The following USP15 variants were observed in gnomAD, a reference collection of about 807,000 sequenced individuals.
USP15 encodes ubiquitin carboxyl-terminal hydrolase 15.
A neutral mutation model predicts 127.1 loss-of-function variants in USP15; 18 were observed. The observed-to-expected ratio is 0.14, with a 90% CI of 0.10 to 0.21. USP15 has a LOEUF of 0.21. Ranked by LOEUF, USP15 falls within the 10% of genes least tolerant of loss-of-function variation. USP15 has a pLI of 1.00. For synonymous variants in USP15, 364 were observed against 393.7 expected, an observed-to-expected ratio of 0.92 and a Z score of 0.89; for missense variants, 805 against 1,159.9, an observed-to-expected ratio of 0.69 and a Z score of 4.44.
chr12:62,265,983 CTG>C (rs1446277931), intron 1 of USP15, among the ~76,000 whole-genome samples: 1 of 152,150 alleles, frequency 6.6e-6, no homozygotes, highest in East Asian at 1.9e-4. Flanking sequence ...CCTCTTGTGA[CTG>C]TTCAGTTTAG....
At chr12:62,336,410 C>T in intron 6 of USP15, 3 of 985,418 alleles carry the variant, frequency 3.0e-6, no homozygotes, top group South Asian at 9.4e-5. Context: ...CTGAGTTCCT[C>T]CTCCAGCCTT....
At chr12:62,392,986 T>C in intron 18 of USP15, 67 bp from the exon 19 acceptor site, 1 of 1,555,608 alleles carries the variant, frequency 6.4e-7, no homozygotes. Context: ...CATTTTTGTT[T>C]ATTATTTTCA....
intron 6 of USP15, chr12:62,335,239 C>G: frequency 3.3e-6 from 5 of 1,534,546 alleles, no homozygotes; most frequent in Non-Finnish European, 4.4e-6. Context: ...CTAAAGGGCT[C>G]TGGTTATCAT....
chr12:62,293,967 C>T (rs918365098), intron 1 of USP15, among the ~76,000 whole-genome samples: 2 of 151,940 alleles, frequency 1.3e-5, no homozygotes, highest in African/African-American at 4.8e-5. Flanking sequence ...CAGTATTTGT[C>T]ATTAAGTAGT....
rs1221934732 is a variant in USP15, at chr12:62,410,049, A to G, written c.*5674A>G. The G allele has an allele frequency of 6.6e-6, 1 of 152,160 alleles. No individual in the cohort carries two copies. The highest frequency in any genetic ancestry group is 2.4e-5 in the African/African-American group (1 of 41,458). The allele number at this position is 152,160 out of a possible 1,614,324, so 9.4% of individuals were successfully genotyped here. A position where few individuals can be genotyped will look rare whatever the true frequency, so the allele number is the denominator to read the frequency against. On this transcript the variant is annotated 3_prime_UTR_variant, in exon 22 of 22. Transcript: ENST00000280377. Reference sequence around the variant, plus strand: ...TTAAAGTGTTCACTTATGTCTAGTCATATGCATACCTACTCTCTTCTAACC... The same window carrying G: ...TTAAAGTGTTCACTTATGTCTAGTCGTATGCATACCTACTCTCTTCTAACC...
intron 1 of USP15, among the ~76,000 whole-genome samples, chr12:62,286,735 C>T (rs1203677394): frequency 2.0e-5 from 3 of 151,798 alleles, no homozygotes; most frequent in Non-Finnish European, 2.9e-5. Context: ...GTCAGGAGTT[C>T]GAGACCAGCC....
At chr12:62,263,958 C>G (rs2063132306) in intron 1 of USP15, among the ~76,000 whole-genome samples, 1 of 151,880 alleles carries the variant, frequency 6.6e-6, no homozygotes, top group South Asian at 2.1e-4. Flanking sequence ...TAATGAGTTA[C>G]AAAGAAAATT....
intron 3 of USP15, 154 bp downstream of exon 3, chr12:62,303,074 T>A (rs955264937): frequency 1.3e-6 from 1 of 793,358 alleles, no homozygotes; most frequent in African/African-American, 1.7e-5. Context: ...GCAAGTAACA[T>A]GTTAAGAAGG....
Position 62,381,615 on chromosome 12 carries a change from G to A in USP15, c.1041G>A (p.Lys347=). 1.2e-6 allele frequency: 2 copies of A among 1,612,770 alleles called. No individual in the cohort carries two copies. Among genetic ancestry groups the A allele is most frequent in the Non-Finnish European group, 1.7e-6 (2 of 1,179,104 alleles). Residue 347 remains lysine (K), a synonymous_variant, in exon 9 of 22, where the codon AAG becomes AAA. Transcript: ENST00000280377. ...CTAAATCTTATGCCGAACTGATCAA[G>A]CAAATGTGGTCTGGAAAGTTTAGCT... ...EIAKSYAELI[K]QMWSGKFSYV... is the part of the protein sequence containing the mutation.
intron 4 of USP15, among the ~76,000 whole-genome samples, chr12:62,317,817 CCTAT>C (rs2064874147): frequency 2.0e-5 from 3 of 152,142 alleles, no homozygotes; most frequent in African/African-American, 7.2e-5. Context: ...AAATGATTTA[CCTAT>C]CAGGGCCAAA....
intron 20 of USP15, 30 bp downstream of exon 20, chr12:62,396,428 A>G: frequency 1.3e-6 from 2 of 1,591,208 alleles, no homozygotes; most frequent in South Asian, 2.2e-5. Flanking sequence ...TTTTACCCAA[A>G]TCATGGTGTT....
In USP15 at chr12:62,260,444, C is replaced by T. The variant is rs1254961091; in HGVS notation, c.30C>T (p.Asp10=). Reference sequence around the variant, plus strand: ...CGGAAGGCGGAGCGGCGGATCTGGACACCCAGCGGTCTGACATCGCGACGC... The same window carrying T: ...CGGAAGGCGGAGCGGCGGATCTGGATACCCAGCGGTCTGACATCGCGACGC... MAEGGAADL[D]TQRSDIATLL... The change falls in exon 1 of 22, where the codon GAC becomes GAT. Residue 10 remains aspartate (D), a synonymous_variant. Transcript: ENST00000280377. The T allele has an allele frequency of 5.2e-6, 8 of 1,551,846 alleles. No homozygotes were observed. The highest frequency in any genetic ancestry group is 7.0e-6 in the Non-Finnish European group (8 of 1,147,778).
At chr12:62,303,663 A>T (rs1395997417) in intron 3 of USP15, 2 of 150,672 alleles carry the variant, frequency 1.3e-5, no homozygotes, top group East Asian at 3.9e-4. Flanking sequence ...ACATAAGGGT[A>T]AAAAAACCTC....
intron 6 of USP15, among the ~76,000 whole-genome samples, chr12:62,342,757 A>G (rs1357443053): frequency 2.0e-5 from 3 of 151,768 alleles, no homozygotes; most frequent in East Asian, 2.0e-4. Flanking sequence ...ATTGCTGCCT[A>G]CTCCTTCCTC....
intron 4 of USP15, among the ~76,000 whole-genome samples, 154 bp from the exon 5 acceptor site, chr12:62,321,310 C>T (rs1170180546): frequency 6.6e-6 from 1 of 151,744 alleles, no homozygotes; most frequent in Non-Finnish European, 1.5e-5. Flanking sequence ...TCTTAAAAAC[C>T]CTTTTGTTGG....
rs1453951309 is a variant in USP15, at chr12:62,302,840, A to G, written c.268A>G (p.Ile90Val). 1.2e-6 allele frequency: 2 copies of G among 1,612,994 alleles called. No individual in the cohort carries two copies. The highest frequency in any genetic ancestry group is 2.7e-5 in the African/African-American group (2 of 74,878). The change falls in exon 3 of 22, where the codon ATA becomes GTA. Residue 90 changes from isoleucine to valine, a missense_variant. Physicochemically the swap from Ile to Val is conservative, Grantham distance 29. Coordinates refer to ENST00000280377, the MANE Select transcript of USP15 (RefSeq NM_001252078.2). ...ACACCTTATTGATGAATTGGATTAC[A>G]TACTGTTGCCAACTGAAGGTTGGAA... The part of the protein sequence containing the change: ...KEHLIDELDY[I>V]LLPTEGWNKL...
intron 19 of USP15, among the ~76,000 whole-genome samples, chr12:62,394,118 CTT>C (rs1565913094): frequency 6.6e-6 from 1 of 152,180 alleles, no homozygotes; most frequent in Non-Finnish European, 1.5e-5. Context: ...CTTTATCTCT[CTT>C]TTTTTCTTCC....
intron 1 of USP15, among the ~76,000 whole-genome samples, chr12:62,282,188 G>A (rs2063669649): frequency 1.3e-5 from 2 of 152,016 alleles, no homozygotes; most frequent in African/African-American, 4.8e-5. Flanking sequence ...AATTAGCTGA[G>A]TTTGTGGCAC....
chr12:62,388,405 T>G (rs1182038425), intron 11 of USP15, among the ~76,000 whole-genome samples: 18 of 152,188 alleles, frequency 1.2e-4, no homozygotes. Flanking sequence ...AGTGTTGGGA[T>G]TACAGGCGTG....
Sources: gnomAD v4.1 joint callset for allele counts (sites outside exome capture counted in the v4.1 genomes callset) on GRCh38, gnomAD v4.1.1 for gene constraint, MANE v1.5 for transcripts, NCBI Gene and HGNC (gene_info 2026-07-23, HGNC 2026-07-21) for gene names.